PTCD3: variants seen among roughly 807,000 people sequenced by gnomAD.
The protein encoded by PTCD3 is small ribosomal subunit protein mS39.
PTCD3 carries 89 observed loss-of-function variants against 101.9 expected under a neutral mutation model. That is an observed-to-expected ratio of 0.87 (90% CI 0.74 to 1.04). PTCD3 has a LOEUF of 1.04. PTCD3 is among the 50% of genes least tolerant of loss of function. The pLI, the probability that PTCD3 is intolerant of heterozygous loss-of-function variation, is 0.00. For synonymous variants in PTCD3, 296 were observed against 278.5 expected (o/e 1.06, Z -0.63); for missense variants, 870 against 828.2 (o/e 1.05, Z -0.62).
chr2:86,130,236 G>T (rs574630077), intron 14 of PTCD3, among the ~76,000 whole-genome samples: 3 of 152,194 alleles, frequency 2.0e-5, no homozygotes, highest in African/African-American at 7.2e-5. Flanking sequence ...GGAGGCGGAG[G>T]TTGCAGTGAG....
chr2:86,108,662 A>C, intron 3 of PTCD3, 126 bp downstream of exon 3: 1 of 915,676 alleles, frequency 1.1e-6, no homozygotes. Context: ...AGAGTAGCTG[A>C]GCGGGGAGAA....
chr2:86,123,810 A>ATATTCCATGCAC, intron 9 of PTCD3, 48 bp downstream of exon 9: 1 of 1,297,728 alleles, frequency 7.7e-7, no homozygotes, highest in Non-Finnish European at 1.1e-6. Context: ...CTTACAGTGC[A>ATATTCCATGCAC]TGGAATATGC....
rs754972541 is a variant in PTCD3 at position 86,137,586 on chromosome 2, GT to G, written c.*28del. On this transcript the variant is annotated 3_prime_UTR_variant, in exon 24 of 24. Transcript: ENST00000254630. ...AGTGGAGATTCAGGAGCAGCAATGG[GT>G]CTCACCATAGCTGCTGGAATCACAC... is the stretch of plus-strand genomic sequence containing the variant. 117 of 1,472,284 alleles carry G rather than the reference GT, an allele frequency of 7.9e-5. 1 individual carries two copies. In the Middle Eastern group the frequency reaches 1.2e-3, roughly 14 times the overall value. The allele number at this position is 1,472,284 out of a possible 1,614,324, so 91.2% of individuals were successfully genotyped here. A position where few individuals can be genotyped will look rare whatever the true frequency, so the allele number is the denominator to read the frequency against.
At chr2:86,113,674 G>A (rs534087288) in intron 4 of PTCD3, among the ~76,000 whole-genome samples, 1 of 152,096 alleles carries the variant, frequency 6.6e-6, no homozygotes, top group East Asian at 1.9e-4. Flanking sequence ...GAGCGTGGTA[G>A]TATGCGCCTG....
rs1171810953 is a variant in PTCD3 at position 86,139,248 on chromosome 2, C to G, written c.*1689C>G. 6.6e-6 allele frequency: 1 copy of G among 152,202 alleles called. No individual in the cohort carries two copies. Among genetic ancestry groups the G allele is most frequent in the Non-Finnish European group, 1.5e-5 (1 of 68,058 alleles). The allele number at this position is 152,202 out of a possible 1,614,324, so 9.4% of individuals were successfully genotyped here. On this transcript the variant is annotated 3_prime_UTR_variant, in exon 24 of 24. Coordinates refer to ENST00000254630, the MANE Select transcript of PTCD3 (RefSeq NM_017952.6). ...GGGTGTGGTGACTCACACCTGTAAC[C>G]TCAGCACTTTGGGAGGCAGAGGTGG...
At chr2:86,132,622 G>GTT (rs11333311) in intron 17 of PTCD3, 198 bp downstream of exon 17, 3,205 of 218,398 alleles carry the variant, frequency 0.015, 89 homozygotes, top group African/African-American at 0.069. Context: ...TCCTTTAAGG[G>GTT]TTTTTTTTTT....
At chr2:86,126,238 AAAAAAG>A (rs1674387049) in intron 12 of PTCD3, among the ~76,000 whole-genome samples, 1 of 150,976 alleles carries the variant, frequency 6.6e-6, no homozygotes, top group Non-Finnish European at 1.5e-5. Context: ...TCAAAAAAAA[AAAAAAG>A]AAAAAGAAAC....
At chr2:86,116,314 C>T (rs1674176779) in intron 4 of PTCD3, among the ~76,000 whole-genome samples, 1 of 152,164 alleles carries the variant, frequency 6.6e-6, no homozygotes, top group Admixed American at 6.5e-5. Context: ...AGTGAGAGAA[C>T]TGCTTGAGGC....
chr2:86,127,140 T>G (rs1239583208), intron 12 of PTCD3, 21 bp from the exon 13 acceptor site: 1 of 1,593,414 alleles, frequency 6.3e-7, no homozygotes, highest in South Asian at 1.1e-5. Context: ...GAAAGATACT[T>G]CTTGTTTTTT....
chr2:86,114,482 G>A (rs1674146430), intron 4 of PTCD3, among the ~76,000 whole-genome samples: 2 of 152,138 alleles, frequency 1.3e-5, no homozygotes, highest in African/African-American at 4.8e-5. Context: ...TAGAGACGGA[G>A]TTTCACTGTG....
At chr2:86,124,873 T>G in intron 9 of PTCD3, 122 bp from the exon 10 acceptor site, 24 of 1,320,330 alleles carry the variant, frequency 1.8e-5, no homozygotes, top group East Asian at 5.2e-5. Context: ...CTGTAAGAAT[T>G]GAGATAATGT....
At chr2:86,124,010 C>T (rs1674339253) in intron 9 of PTCD3, among the ~76,000 whole-genome samples, 2 of 152,160 alleles carry the variant, frequency 1.3e-5, no homozygotes, top group African/African-American at 4.8e-5. Flanking sequence ...TTTAACTCAG[C>T]ATAACTTTCA....
At chr2:86,116,417 G>A (rs1424824070) in intron 4 of PTCD3, 113 bp from the exon 5 acceptor site, 3 of 873,520 alleles carry the variant, frequency 3.4e-6, no homozygotes, top group Non-Finnish European at 5.5e-6. Flanking sequence ...CACACCTGTA[G>A]CCTAGGCTAC....
intron 12 of PTCD3, among the ~76,000 whole-genome samples, chr2:86,126,534 T>TA (rs768632952): frequency 2.6e-5 from 4 of 152,174 alleles, no homozygotes; most frequent in Non-Finnish European, 2.9e-5. Context: ...GATTCTCGCC[T>TA]AGTAACTTAA....
intron 21 of PTCD3, chr2:86,135,826 A>C: frequency 2.1e-6 from 1 of 482,724 alleles, no homozygotes; most frequent in Non-Finnish European, 4.1e-6. Flanking sequence ...TGACATTTGC[A>C]TTTGGTTGTT....
rs754933842 is a variant in PTCD3, at chr2:86,123,687, A to C, written c.655-14A>C. On this transcript the variant is annotated splice_polypyrimidine_tract_variant and intron_variant, in intron 8 of 23. Coordinates refer to ENST00000254630, the MANE Select transcript of PTCD3 (RefSeq NM_017952.6). The stretch of plus-strand genomic sequence containing the variant: ...GCCTTAACTTTTATTTCTTTTGATG[A>C]TTATTCATTTCAGGAAGAGGAAAAT... 2 of 1,574,696 alleles carry C rather than the reference A, an allele frequency of 1.3e-6. No homozygotes were observed. Among genetic ancestry groups the C allele is most frequent in the South Asian group, 2.4e-5 (2 of 85,026 alleles).
At chr2:86,109,603 G>T (rs536782397) in intron 3 of PTCD3, among the ~76,000 whole-genome samples, 1 of 152,270 alleles carries the variant, frequency 6.6e-6, no homozygotes, top group South Asian at 2.1e-4. Flanking sequence ...TTGTTTATGG[G>T]ACAGTAAATT....
chr2:86,112,623 A>G (rs1032227017), intron 4 of PTCD3, among the ~76,000 whole-genome samples: 1 of 146,666 alleles, frequency 6.8e-6, no homozygotes, highest in African/African-American at 2.5e-5. Flanking sequence ...CAGAAGTTGC[A>G]GTGAGCCAAG....
chr2:86,134,426 CTTA>C, intron 20 of PTCD3, 49 bp downstream of exon 20: 1 of 1,470,980 alleles, frequency 6.8e-7, no homozygotes, highest in South Asian at 1.2e-5. Context: ...CTGAGGTCTT[CTTA>C]AGGCTAGCTT....
Sources: gnomAD v4.1 joint callset for allele counts (sites outside exome capture counted in the v4.1 genomes callset) on GRCh38, gnomAD v4.1.1 for gene constraint, MANE v1.5 for transcripts, NCBI Gene and HGNC (gene_info 2026-07-23, HGNC 2026-07-21) for gene names.